The following GALNTL6 variants were observed in gnomAD, a reference collection of about 807,000 sequenced individuals.
GALNTL6 encodes polypeptide N-acetylgalactosaminyltransferase-like 6.
Under a neutral mutation model 73.7 loss-of-function variants are expected in GALNTL6, and 46 were observed. That is an observed-to-expected ratio of 0.62 (90% CI 0.49 to 0.80). The LOEUF is 0.80. Ranked by LOEUF, GALNTL6 falls within the 30% of genes least tolerant of loss-of-function variation. The pLI, the probability that GALNTL6 is intolerant of heterozygous loss-of-function variation, is 0.00. For missense variants in GALNTL6, 604 were observed against 755.0 expected (o/e 0.80, Z 2.34); for synonymous variants, 259 against 263.7 (o/e 0.98, Z 0.17).
rs777182943 is a variant in GALNTL6, at chr4:172,952,230, T to C, written c.1343T>C (p.Val448Ala). The change falls in exon 10 of 13, where the codon GTG becomes GCG. Residue 448 changes from valine (V) to alanine (A), a missense_variant. Physicochemically the swap from Val to Ala is moderately conservative, Grantham distance 64 (BLOSUM62 0). Transcript: ENST00000506823. ...AWDVPKYYPP[V>A]EPPPAAWGEI... ...GACGTGCCTAAATACTACCCTCCAGTGGAGCCCCCGCCTGCTGCCTGGGGG... is the reference window on the plus strand; with the variant it reads ...GACGTGCCTAAATACTACCCTCCAGCGGAGCCCCCGCCTGCTGCCTGGGGG... 1 of 1,613,926 alleles carries C rather than the reference T, an allele frequency of 6.2e-7. No individual in the cohort carries two copies. The highest frequency in any genetic ancestry group is 1.1e-5 in the South Asian group (1 of 91,072).
intron 5 of GALNTL6, among the ~76,000 whole-genome samples, chr4:172,626,883 A>G (rs886247891): frequency 6.6e-6 from 1 of 152,166 alleles, no homozygotes; most frequent in African/African-American, 2.4e-5. Flanking sequence ...TATCAGTTTC[A>G]GGAGCCTTTT....
intron 5 of GALNTL6, among the ~76,000 whole-genome samples, chr4:172,402,826 G>C (rs187928565): frequency 1.2e-3 from 186 of 152,066 alleles, no homozygotes; most frequent in Admixed American, 2.4e-3. Flanking sequence ...GGGTGAAAAG[G>C]AACAAATTTA....
At chr4:173,029,902 C>T (rs940998337) in intron 12 of GALNTL6, among the ~76,000 whole-genome samples, 2 of 152,208 alleles carry the variant, frequency 1.3e-5, no homozygotes, top group Non-Finnish European at 2.9e-5. Context: ...ATGCCTTCAT[C>T]TAAATTGTTG....
chr4:171,951,034 A>T (rs1444432722), intron 2 of GALNTL6, among the ~76,000 whole-genome samples: 1 of 152,150 alleles, frequency 6.6e-6, no homozygotes, highest in Non-Finnish European at 1.5e-5. Flanking sequence ...ATCCAAGTGT[A>T]TCAGTCTATT....
At chr4:171,936,233 G>T (rs1411731106) in intron 2 of GALNTL6, among the ~76,000 whole-genome samples, 1 of 152,114 alleles carries the variant, frequency 6.6e-6, no homozygotes, top group African/African-American at 2.4e-5. Flanking sequence ...GGCAAGCCAA[G>T]TACAATATAA....
At chr4:172,183,855 C>T (rs1027230952) in intron 2 of GALNTL6, among the ~76,000 whole-genome samples, 2 of 145,174 alleles carry the variant, frequency 1.4e-5, no homozygotes, top group South Asian at 2.2e-4. Flanking sequence ...TGCAGTGGTG[C>T]GATCTCAGCT....
chr4:171,843,873 AT>A (rs1735305746), intron 2 of GALNTL6, among the ~76,000 whole-genome samples: 1 of 152,168 alleles, frequency 6.6e-6, no homozygotes, highest in South Asian at 2.1e-4. Flanking sequence ...TTTTCTATTA[AT>A]GATTAAAGTA....
At position 172,377,718 on chromosome 4, in the gene GALNTL6, C is replaced by T. The variant is rs570553262; in HGVS notation, c.553+29029C>T. On this transcript the variant is annotated intron_variant, in intron 5 of 12. Coordinates refer to ENST00000506823, the MANE Select transcript of GALNTL6 (RefSeq NM_001034845.3). ...CTGAGGCCTGGCAAGAATTCTAGTG[C>T]GGCACGGGTAGGCTGGCAGTGCTGG... 2.0e-3 allele frequency among the ~76,000 whole-genome samples: 309 copies of T among 152,222 alleles called. 2 individuals carry two copies. The highest frequency in any genetic ancestry group is 2.3e-3 in the Non-Finnish European group (155 of 67,984).
intron 2 of GALNTL6, among the ~76,000 whole-genome samples, chr4:172,210,717 TACC>T (rs1403589570): frequency 1.3e-5 from 2 of 152,156 alleles, no homozygotes; most frequent in Non-Finnish European, 2.9e-5. Flanking sequence ...AGTCTTACAG[TACC>T]CATTGGAGGG....
At chr4:172,564,755 G>C (rs1278550515) in intron 5 of GALNTL6, among the ~76,000 whole-genome samples, 1 of 152,210 alleles carries the variant, frequency 6.6e-6, no homozygotes, top group Non-Finnish European at 1.5e-5. Context: ...TCTCTAGTGG[G>C]TCCTCTTGAG....
At chr4:172,362,348 G>T (rs1037130463) in intron 5 of GALNTL6, among the ~76,000 whole-genome samples, 45 of 150,924 alleles carry the variant, frequency 3.0e-4, no homozygotes, top group Admixed American at 2.0e-3. Flanking sequence ...TAATTTATAA[G>T]TGTATTTGTT....
At chr4:172,109,827 T>C (rs115049145) in intron 2 of GALNTL6, among the ~76,000 whole-genome samples, 2,495 of 152,244 alleles carry the variant, frequency 0.016, 63 homozygotes, top group African/African-American at 0.054. Flanking sequence ...TGGATCTTAG[T>C]CCATTGGCTT....
At chr4:172,447,835 A>C (rs544003821) in intron 5 of GALNTL6, among the ~76,000 whole-genome samples, 1 of 152,268 alleles carries the variant, frequency 6.6e-6, no homozygotes, top group Admixed American at 6.5e-5. Flanking sequence ...TTAAAAAAAT[A>C]AGAGCTTTAG....
At chr4:172,818,276 T>C (rs957805290) in intron 7 of GALNTL6, among the ~76,000 whole-genome samples, 1 of 152,236 alleles carries the variant, frequency 6.6e-6, no homozygotes, top group Non-Finnish European at 1.5e-5. Context: ...TTCCTAGCTA[T>C]CATGCTTCCT....
At chr4:172,314,440 A>G (rs1291416547) in intron 4 of GALNTL6, among the ~76,000 whole-genome samples, 1 of 152,050 alleles carries the variant, frequency 6.6e-6, no homozygotes, top group Admixed American at 6.6e-5. Flanking sequence ...GTGATAAACT[A>G]TTGGTCACTC....
intron 2 of GALNTL6, among the ~76,000 whole-genome samples, chr4:172,220,074 G>C (rs1736622496): frequency 6.6e-6 from 1 of 151,742 alleles, no homozygotes; most frequent in Non-Finnish European, 1.5e-5. Context: ...CTCAAACTCA[G>C]CACATCTCTG....
chr4:171,842,643 A>T (rs1735267870), intron 2 of GALNTL6, among the ~76,000 whole-genome samples: 1 of 152,066 alleles, frequency 6.6e-6, no homozygotes, highest in Non-Finnish European at 1.5e-5. Flanking sequence ...CAAGAGAGAG[A>T]GAAGGAGGAG....
At chr4:172,370,683 C>G (rs1371672452) in intron 5 of GALNTL6, among the ~76,000 whole-genome samples, 4 of 150,614 alleles carry the variant, frequency 2.7e-5, no homozygotes, top group African/African-American at 9.8e-5. Context: ...ACTTCGGAAG[C>G]CTTTTCCTAT....
chr4:172,308,388 C>T (rs1237476091), intron 3 of GALNTL6, among the ~76,000 whole-genome samples: 1 of 151,848 alleles, frequency 6.6e-6, no homozygotes, highest in Non-Finnish European at 1.5e-5. Flanking sequence ...TGAAAGTGGG[C>T]ATCCTTGTTT....
Sources: allele counts gnomAD v4.1 joint callset (sites outside exome capture counted in the v4.1 genomes callset), GRCh38; gene constraint gnomAD v4.1.1; transcripts MANE v1.5; gene names NCBI Gene and HGNC (gene_info 2026-07-23, HGNC 2026-07-21).